Variants in USP30 observed in about 807,000 individuals in gnomAD.
USP30 encodes ubiquitin specific peptidase 30, also known as ubiquitin carboxyl-terminal hydrolase 30.
USP30 carries 41 observed loss-of-function variants against 68.2 expected under a neutral mutation model. That is an observed-to-expected ratio of 0.60 (90% CI 0.47 to 0.78). The LOEUF is 0.78. Ranked by LOEUF, USP30 falls within the 30% of genes least tolerant of loss-of-function variation. The probability of loss-of-function intolerance (pLI) is 0.00; values close to 1 mark genes in which losing one functional copy is unlikely to be tolerated. For synonymous variants in USP30, 229 were observed against 253.7 expected, an observed-to-expected ratio of 0.90 and a Z score of 0.93; for missense variants, 522 against 649.4, an observed-to-expected ratio of 0.80 and a Z score of 2.13.
At chr12:109,065,395 C>T (rs2041215461) in intron 3 of USP30, among the ~76,000 whole-genome samples, 1 of 152,158 alleles carries the variant, frequency 6.6e-6, no homozygotes, top group South Asian at 2.1e-4. Flanking sequence ...TAGGTACTGC[C>T]TATGTCAGCC....
intron 3 of USP30, among the ~76,000 whole-genome samples, chr12:109,032,947 TAG>T (rs1719057444): frequency 6.6e-6 from 1 of 152,180 alleles, no homozygotes; most frequent in Non-Finnish European, 1.5e-5. Flanking sequence ...GAGACTGGAA[TAG>T]AGACTGACAA....
At chr12:109,034,227 A>G (rs1483542338) in intron 3 of USP30, among the ~76,000 whole-genome samples, 1 of 152,070 alleles carries the variant, frequency 6.6e-6, no homozygotes, top group Non-Finnish European at 1.5e-5. Context: ...TCTCTTACCT[A>G]TTGGCTATTC....
At chr12:109,039,213 GT>G (rs1189954326) in intron 3 of USP30, among the ~76,000 whole-genome samples, 1 of 152,100 alleles carries the variant, frequency 6.6e-6, no homozygotes, top group Non-Finnish European at 1.5e-5. Context: ...TCCTCAGAAA[GT>G]TTTACAGTTT....
chr12:109,076,638 T>A (rs948377372), intron 7 of USP30, among the ~76,000 whole-genome samples: 1 of 152,114 alleles, frequency 6.6e-6, no homozygotes, highest in African/African-American at 2.4e-5. Context: ...TAATGAATAG[T>A]GATTGGATTT....
chr12:109,048,560 C>T (rs753253713), upstream of USP30, among the ~76,000 whole-genome samples: 9 of 151,236 alleles, frequency 6.0e-5, no homozygotes, highest in Admixed American at 1.3e-4. Flanking sequence ...GCCAACATGG[C>T]GAAACCCCAT....
intron 1 of USP30, among the ~76,000 whole-genome samples, chr12:109,055,400 A>ACATATATATATATATATATATTTTTTTTT (rs1555257267): frequency 9.0e-4 from 22 of 24,466 alleles, no homozygotes; most frequent in East Asian, 0.012. Flanking sequence ...ATATATATAT[A>ACATATATATATATATATATATTTTTTTTT]TTTTTTTTTT....
chr12:109,055,327 TTCAG>T (rs1394576512), intron 1 of USP30, among the ~76,000 whole-genome samples: 6 of 141,246 alleles, frequency 4.2e-5, no homozygotes, highest in African/African-American at 7.7e-5. Flanking sequence ...TTCTCCAGTA[TTCAG>T]TCATTCAATA....
At position 109,072,301 on chromosome 12, in the gene USP30, A is replaced by G. The variant is rs768446119; in HGVS notation, c.580-4A>G. 56 of 1,612,638 alleles carry G rather than the reference A, an allele frequency of 3.5e-5. No individual in the cohort carries two copies. Among genetic ancestry groups the G allele is most frequent in the Admixed American group, 5.0e-5 (3 of 59,882 alleles). Reference sequence around the variant, plus strand: ...AGTCTGTTTTTTTTTTTTCTCCCCTACAGCAGCAGTCAGAAATAACTCCCA... The same window carrying G: ...AGTCTGTTTTTTTTTTTTCTCCCCTGCAGCAGCAGTCAGAAATAACTCCCA... On this transcript the variant is annotated splice_polypyrimidine_tract_variant and splice_region_variant and intron_variant, in intron 5 of 12. Transcript: ENST00000257548.
chr12:109,036,938 C>T (rs1250948099), intron 3 of USP30, among the ~76,000 whole-genome samples: 1 of 151,494 alleles, frequency 6.6e-6, no homozygotes, highest in Non-Finnish European at 1.5e-5. Context: ...GTTCATTGAG[C>T]TTCTTTGATG....
chr12:109,024,222 A>C (rs2040427885), intron 1 of USP30, among the ~76,000 whole-genome samples: 1 of 152,188 alleles, frequency 6.6e-6, no homozygotes, highest in African/African-American at 2.4e-5. Flanking sequence ...GATGGCACAT[A>C]ATAAGTGTTA....
intron 1 of USP30, among the ~76,000 whole-genome samples, chr12:109,023,688 C>T (rs1159285386): frequency 8.2e-6 from 1 of 121,996 alleles, no homozygotes; most frequent in Non-Finnish European, 1.6e-5. Flanking sequence ...GGCTGGAGTG[C>T]AATGGCGCAA....
intron 3 of USP30, 143 bp downstream of exon 3, chr12:109,058,251 T>C: frequency 1.1e-6 from 1 of 935,970 alleles, no homozygotes; most frequent in South Asian, 2.1e-5. Context: ...AAGAGCCCAA[T>C]AGATACAAAC....
chr12:109,049,659 G>A (rs567446616), upstream of USP30, among the ~76,000 whole-genome samples: 2 of 151,578 alleles, frequency 1.3e-5, no homozygotes, highest in African/African-American at 2.4e-5. Context: ...TACTAAAAAC[G>A]CTAAAATTAG....
chr12:109,037,345 T>C (rs1172055576), intron 3 of USP30, among the ~76,000 whole-genome samples: 1 of 152,220 alleles, frequency 6.6e-6, no homozygotes, highest in Non-Finnish European at 1.5e-5. Context: ...TAGATCTTTA[T>C]GTCTAAATTC....
At chr12:109,041,451 G>A (rs551426307) in intron 3 of USP30, among the ~76,000 whole-genome samples, 4 of 152,000 alleles carry the variant, frequency 2.6e-5, no homozygotes, top group Admixed American at 6.6e-5. Context: ...CCTGGCCAAC[G>A]TGGTGAAACC....
intron 3 of USP30, among the ~76,000 whole-genome samples, chr12:109,039,497 G>T (rs2040547261): frequency 6.6e-6 from 1 of 152,128 alleles, no homozygotes; most frequent in South Asian, 2.1e-4. Flanking sequence ...CCTATCTGCT[G>T]CCCATGAATG....
intron 1 of USP30, among the ~76,000 whole-genome samples, chr12:109,055,835 GA>G (rs921753318): frequency 1.3e-4 from 20 of 148,578 alleles, no homozygotes; most frequent in South Asian, 4.3e-4. Flanking sequence ...AAAAAGAAAA[GA>G]AAAAAAACAT....
In USP30 at chr12:109,029,719, C is replaced by A. The variant is rs571291937; in HGVS notation, c.-136+2163C>A. ...TGAAATGCATGAGGTTAGAAAGGGACCTGGAACAAAGTGGCAGTGTTTATC... is the reference window on the plus strand; with the variant it reads ...TGAAATGCATGAGGTTAGAAAGGGAACTGGAACAAAGTGGCAGTGTTTATC... On this transcript the variant is annotated intron_variant, in intron 3 of 15. Transcript: ENST00000392784. Among the ~76,000 whole-genome samples the A allele has an allele frequency of 4.0e-4, 61 of 152,250 alleles. No homozygotes were observed. The South Asian group carries it at 1.0e-2, about 25-fold the overall frequency.
intron 4 of USP30, 98 bp from the exon 5 acceptor site, chr12:109,071,514 T>C: frequency 2.1e-6 from 2 of 948,742 alleles, no homozygotes; most frequent in Non-Finnish European, 1.6e-6. Context: ...AAGCAAATTC[T>C]ACCCACATTC....
Sources: allele counts gnomAD v4.1 joint callset (sites outside exome capture counted in the v4.1 genomes callset), GRCh38; gene constraint gnomAD v4.1.1; transcripts MANE v1.5; gene names NCBI Gene and HGNC (gene_info 2026-07-23, HGNC 2026-07-21).